Variants in TSEN54 observed in about 807,000 individuals in gnomAD.
TSEN54 encodes tRNA-splicing endonuclease subunit Sen54.
Under a neutral mutation model 61.9 loss-of-function variants are expected in TSEN54, and 55 were observed. The observed-to-expected ratio is 0.89, with a 90% CI of 0.72 to 1.11. The LOEUF is 1.11. TSEN54 is among the 50% of genes most tolerant of loss of function. The pLI is 0.00. For synonymous variants in TSEN54, 304 were observed against 288.7 expected, an observed-to-expected ratio of 1.05 and a Z score of -0.54; for missense variants, 760 against 687.7, an observed-to-expected ratio of 1.11 and a Z score of -1.18.
rs2053445121 is a variant in TSEN54 at position 75,523,041 on chromosome 17, T to TA, written c.1253-234_1253-233insA. 1.1e-5 allele frequency: 6 copies of TA among 523,130 alleles called. 1 individual carries two copies. In the South Asian group the frequency reaches 1.2e-4, roughly 10 times the overall value. 32.4% of individuals were successfully genotyped at this position (523,130 alleles called of 1,614,324 possible). A position where few individuals can be genotyped will look rare whatever the true frequency, so the allele number is the denominator to read the frequency against. On this transcript the variant is annotated intron_variant, in intron 8 of 10. Coordinates refer to ENST00000333213, the MANE Select transcript of TSEN54 (RefSeq NM_207346.3). Reference sequence around the variant, plus strand: ...TAAAAATACAAAAATTAGCCGGGTGTGGTGGTGCACACTTATAATCCCAGC... The same window carrying TA: ...TAAAAATACAAAAATTAGCCGGGTGTAGGTGGTGCACACTTATAATCCCAGC...
chr17:75,523,174 G>A (rs567649867), intron 8 of TSEN54, 101 bp from the exon 9 acceptor site: 60 of 1,524,154 alleles, frequency 3.9e-5, no homozygotes, highest in South Asian at 2.6e-4. Flanking sequence ...GTGAGACTCC[G>A]TTTAAAAAAA....
At chr17:75,523,048 G>A (rs981291300) in intron 8 of TSEN54, 15 of 543,856 alleles carry the variant, frequency 2.8e-5, no homozygotes, top group African/African-American at 2.1e-4. Flanking sequence ...GTGTGGTGGT[G>A]CACACTTATA....
chr17:75,516,621 G>A lies in TSEN54; in HGVS notation c.56+5G>A. 1 of 1,192,318 alleles carries A rather than the reference G, an allele frequency of 8.4e-7. No homozygotes were observed. The highest frequency in any genetic ancestry group is 1.0e-6 in the Non-Finnish European group (1 of 963,862). The allele number at this position is 1,192,318 out of a possible 1,614,324, so 73.9% of individuals were successfully genotyped here. ...TCCCGCGGGGCGCGTGCTCAGGTGC[G>A]GCGCGGCCCGGCCGGAGTGGGTGTC... On this transcript the variant is annotated splice_donor_5th_base_variant and intron_variant, in intron 1 of 10. Coordinates refer to ENST00000333213, the MANE Select transcript of TSEN54 (RefSeq NM_207346.3).
chr17:75,518,701 C>T, intron 5 of TSEN54: 1 of 985,380 alleles, frequency 1.0e-6, no homozygotes, highest in Non-Finnish European at 1.2e-6. Context: ...TATCAAAATA[C>T]TCAAGTATTT....
chr17:75,516,993 C>G lies in TSEN54; in HGVS notation c.222-16C>G. On this transcript the variant is annotated splice_polypyrimidine_tract_variant and intron_variant, in intron 2 of 10. Transcript: ENST00000333213. The stretch of plus-strand genomic sequence containing the variant: ...CCGGAATGGACTGACGCAGACCCCT[C>G]CCCACTCCTCGCCAGGGGCAGCTTG... The G allele has an allele frequency of 6.4e-7, 1 of 1,571,570 alleles. No individual in the cohort carries two copies. The highest frequency in any genetic ancestry group is 8.6e-7 in the Non-Finnish European group (1 of 1,159,142).
Position 75,521,940 on chromosome 17 carries a change from G to C in TSEN54, c.859G>C (p.Gly287Arg), listed in dbSNP as rs751035670. 1.7e-5 allele frequency: 28 copies of C among 1,610,562 alleles called. No individual in the cohort carries two copies. Among genetic ancestry groups the C allele is most frequent in the Non-Finnish European group, 2.3e-5 (27 of 1,179,182 alleles). ...CSWESGRAEN[G>R]VTGAGKRRWN... ...CTGGGAGAGTGGCAGAGCCGAGAACGGAGTCACGGGAGCCGGTAAGCGGCG... is the reference window on the plus strand; with the variant it reads ...CTGGGAGAGTGGCAGAGCCGAGAACCGAGTCACGGGAGCCGGTAAGCGGCG... Residue 287 changes from glycine to arginine, a missense_variant, in exon 8 of 11, where the codon GGA (glycine) becomes CGA (arginine). By Grantham distance (125) the Gly-to-Arg change is moderately radical. This residue lies in a region of TSEN54 where 667 missense variants were observed against 577.8 expected (regional missense o/e 1.15). Coordinates refer to ENST00000333213, the MANE Select transcript of TSEN54 (RefSeq NM_207346.3).
chr17:75,517,390 A>G (rs1291802367), intron 4 of TSEN54, 146 bp downstream of exon 4: 9 of 1,175,320 alleles, frequency 7.7e-6, no homozygotes, highest in Non-Finnish European at 1.1e-5. Context: ...TGCAGGGAGC[A>G]GGGATTCCAG....
rs2053368925 is a variant in TSEN54 at position 75,516,619 on chromosome 17, GC to G, written c.56+4del. 1 of 1,190,442 alleles carries G rather than the reference GC, an allele frequency of 8.4e-7. No homozygotes were observed. 73.7% of individuals were successfully genotyped at this position (1,190,442 alleles called of 1,614,324 possible). On this transcript the variant is annotated splice_donor_region_variant and intron_variant, in intron 1 of 10. Coordinates refer to ENST00000333213, the MANE Select transcript of TSEN54 (RefSeq NM_207346.3). ...GTTCCCGCGGGGCGCGTGCTCAGGT[GC>G]GGCGCGGCCCGGCCGGAGTGGGTGT...
At chr17:75,524,182 C>G in intron 10 of TSEN54, 80 bp from the exon 11 acceptor site, 1 of 1,597,786 alleles carries the variant, frequency 6.3e-7, no homozygotes, top group Non-Finnish European at 8.6e-7. Flanking sequence ...CAACTCCTTC[C>G]GTAGAATCTC....
rs1336514476 is a variant in TSEN54 at position 75,521,404 on chromosome 17, C to T, written c.522-5C>T. 1.2e-6 allele frequency: 2 copies of T among 1,613,346 alleles called. No homozygotes were observed. Among genetic ancestry groups the T allele is most frequent in the African/African-American group, 2.7e-5 (2 of 74,926 alleles). ...AGTGGCCCACCCGCTGTTCTCACCC[C>T]ACAGCTCTGTCCTGTCCCCGTATGA... On this transcript the variant is annotated splice_polypyrimidine_tract_variant and splice_region_variant and intron_variant, in intron 6 of 10. Coordinates refer to ENST00000333213, the MANE Select transcript of TSEN54 (RefSeq NM_207346.3).
At chr17:75,522,485 G>T (rs776965788) in intron 8 of TSEN54, 152 bp downstream of exon 8, 1 of 1,493,864 alleles carries the variant, frequency 6.7e-7, no homozygotes, top group Admixed American at 2.0e-5. Context: ...GTTCTCCGGC[G>T]GCTGCAGCAG....
intron 10 of TSEN54, 34 bp downstream of exon 10, chr17:75,523,813 C>T (rs948802445): frequency 6.8e-6 from 11 of 1,606,730 alleles, no homozygotes; most frequent in Non-Finnish European, 9.4e-6. Context: ...CCTCCCCCAG[C>T]TGCTGCCAGT....
In TSEN54 at chr17:75,517,233, C is replaced by T. The variant is rs1318909841; in HGVS notation, c.358C>T (p.Leu120Phe). The T allele has an allele frequency of 1.3e-6, 2 of 1,599,686 alleles. No individual in the cohort carries two copies. The highest frequency in any genetic ancestry group is 8.5e-7 in the Non-Finnish European group (1 of 1,173,370). Residue 120 changes from leucine (L) to phenylalanine (F), a missense_variant, in exon 4 of 11, where the codon CTT becomes TTT. By Grantham distance (22) the Leu-to-Phe change is conservative (BLOSUM62 0). Around this residue, in one of 3 missense-constraint regions of TSEN54, gnomAD observed 667 missense variants for 577.8 expected, o/e 1.15. Coordinates refer to ENST00000333213, the MANE Select transcript of TSEN54 (RefSeq NM_207346.3). Reference protein sequence around the residue: ...QRLHPEEALYLLECGSIHLFH... With the variant: ...QRLHPEEALYFLECGSIHLFH... ...CCTTCACCCGGAAGAGGCCTTGTATCTTCTGGAGTGTGTAAGTGGGGCCCG... is the reference window on the plus strand; with the variant it reads ...CCTTCACCCGGAAGAGGCCTTGTATTTTCTGGAGTGTGTAAGTGGGGCCCG...
chr17:75,520,436 A>T (rs903672932), intron 6 of TSEN54, among the ~76,000 whole-genome samples: 9 of 123,988 alleles, frequency 7.3e-5, no homozygotes, highest in African/African-American at 2.8e-4. Flanking sequence ...AAAAAAAAAA[A>T]TCAGCCAGGT....
intron 6 of TSEN54, among the ~76,000 whole-genome samples, chr17:75,519,410 A>G (rs1376673798): frequency 1.3e-5 from 2 of 152,242 alleles, no homozygotes; most frequent in African/African-American, 4.8e-5. Flanking sequence ...TACCATTAGT[A>G]GGGTTTCACA....
intron 1 of TSEN54, 46 bp downstream of exon 1, chr17:75,516,662 G>A (rs1418867358): frequency 2.2e-5 from 28 of 1,245,610 alleles, no homozygotes; most frequent in Non-Finnish European, 2.8e-5. Context: ...CGCGGGGCCA[G>A]CGCGGGTAGG....
In TSEN54 at chr17:75,523,741, T is replaced by C. The variant is rs536603609; in HGVS notation, c.1392T>C (p.Asn464=). ...ACGCTGTGGCCACATTCCGAAAGAA[T>C]AACCCTGGCAAACCCTATGCCCGGA... The part of the protein sequence containing the change: ...QADAVATFRK[N]NPGKPYARMC... Residue 464 remains asparagine, a synonymous_variant, in exon 10 of 11, where the codon AAT becomes AAC. Coordinates refer to ENST00000333213, the MANE Select transcript of TSEN54 (RefSeq NM_207346.3). 3 of 1,614,122 alleles carry C rather than the reference T, an allele frequency of 1.9e-6. No individual in the cohort carries two copies. The highest frequency in any genetic ancestry group is 2.2e-5 in the South Asian group (2 of 91,076).
chr17:75,517,502 C>T (rs1182718866), intron 4 of TSEN54, 55 bp from the exon 5 acceptor site: 9 of 1,503,048 alleles, frequency 6.0e-6, no homozygotes, highest in Non-Finnish European at 7.4e-6. Flanking sequence ...TTGCCCCATT[C>T]CTCTGTGGCA....
In TSEN54 at chr17:75,522,192, G is replaced by T. The variant is rs398124621; in HGVS notation, c.1111G>T (p.Glu371Ter). Residue 371 changes from glutamate to a stop codon, truncating the protein, a stop_gained, in exon 8 of 11, where the codon GAG (glutamate) becomes TAG (stop). Coordinates refer to ENST00000333213, the MANE Select transcript of TSEN54 (RefSeq NM_207346.3). LOFTEE classifies it high-confidence loss of function. ...CCAGGAAGATGTCAACGCCGATCCCGAGGTGCAGCGGTGCTCCAGCTGGCG... is the reference window on the plus strand; with the variant it reads ...CCAGGAAGATGTCAACGCCGATCCCTAGGTGCAGCGGTGCTCCAGCTGGCG... Reference protein sequence around the residue: ...QFQEDVNADPEVQRCSSWREY... With the variant: ...QFQEDVNADP The T allele has an allele frequency of 3.2e-6, 5 of 1,548,212 alleles. No individual in the cohort carries two copies. Among genetic ancestry groups the T allele is most frequent in the Non-Finnish European group, 4.4e-6 (5 of 1,143,854 alleles).
Sources: allele counts gnomAD v4.1 joint callset (sites outside exome capture counted in the v4.1 genomes callset), GRCh38; gene constraint gnomAD v4.1.1; regional missense constraint gnomAD v4.1.1; transcripts MANE v1.5; gene names NCBI Gene and HGNC (gene_info 2026-07-23, HGNC 2026-07-21).